The following TPRG1 variants were observed in gnomAD, a reference collection of about 807,000 sequenced individuals.
TPRG1 encodes tumor protein p63-regulated gene 1 protein.
Under a neutral mutation model 29.3 loss-of-function variants are expected in TPRG1, and 29 were observed. The ratio of observed to expected loss-of-function variants is 0.99; its 90% CI spans 0.74 to 1.35. The LOEUF (loss-of-function observed/expected upper bound fraction) is 1.35. Ranked by LOEUF, TPRG1 falls within the 40% of genes most tolerant of loss-of-function variation. The pLI, the probability that TPRG1 is intolerant of heterozygous loss-of-function variation, is 0.00. For synonymous variants in TPRG1, 130 were observed against 116.8 expected (o/e 1.11, Z -0.73); for missense variants, 327 against 335.0 (o/e 0.98, Z 0.19).
chr3:189,029,867 G>A (rs868777562), intron 4 of TPRG1, among the ~76,000 whole-genome samples: 5 of 152,120 alleles, frequency 3.3e-5, no homozygotes, highest in East Asian at 1.9e-4. Context: ...CATGTGATAC[G>A]CTGGCTCCCT....
At position 189,109,611 on chromosome 3, in the gene TPRG1, G is replaced by A. The variant is rs541115453; in HGVS notation, c.-744+9407G>A. ...TTACAATGAATTATAGAAAATGAAC[G>A]TATAATACATTTAAGTGTGTTTACT... On this transcript the variant is annotated intron_variant, in intron 1 of 6. Coordinates refer to the TPRG1 transcript ENST00000412373. 6.6e-5 allele frequency among the ~76,000 whole-genome samples: 10 copies of A among 152,058 alleles called. No individual in the cohort carries two copies. The East Asian group carries it at 7.7e-4, about 12-fold the overall frequency.
chr3:189,054,577 G>A (rs890923474), intron 4 of TPRG1, among the ~76,000 whole-genome samples: 8 of 151,892 alleles, frequency 5.3e-5, no homozygotes, highest in Admixed American at 3.3e-4. Context: ...GACCAGCCTG[G>A]ACAACATAGT....
intron 5 of TPRG1, among the ~76,000 whole-genome samples, chr3:189,312,894 G>C (rs1170967378): frequency 6.6e-6 from 1 of 152,170 alleles, no homozygotes; most frequent in Non-Finnish European, 1.5e-5. Flanking sequence ...CTGGATGGAA[G>C]TAAGAATAAC....
intron 1 of TPRG1, among the ~76,000 whole-genome samples, chr3:189,124,699 T>G (rs1722249481): frequency 6.6e-6 from 1 of 152,186 alleles, no homozygotes; most frequent in Non-Finnish European, 1.5e-5. Flanking sequence ...TTATCTTACA[T>G]GAACATTTGT....
intron 4 of TPRG1, among the ~76,000 whole-genome samples, chr3:189,269,004 G>C (rs1714615923): frequency 6.6e-6 from 1 of 151,866 alleles, no homozygotes; most frequent in Admixed American, 6.6e-5. Flanking sequence ...TTTTCCTCCA[G>C]AAAATGGGAT....
chr3:189,019,397 A>G (rs776483927), intron 3 of TPRG1, among the ~76,000 whole-genome samples: 36 of 152,294 alleles, frequency 2.4e-4, no homozygotes, highest in Middle Eastern at 3.4e-3. Flanking sequence ...TTATTTTGAA[A>G]TACGTCCCAT....
intron 3 of TPRG1, among the ~76,000 whole-genome samples, chr3:189,226,950 G>C (rs1018262553): frequency 6.6e-6 from 1 of 151,882 alleles, no homozygotes; most frequent in African/African-American, 2.4e-5. Flanking sequence ...ATATCAATTT[G>C]ACAACTCAGA....
At position 189,152,636 on chromosome 3, in the gene TPRG1, T is replaced by TGCTA. The variant is rs1286586389; in HGVS notation, c.-10+1764_-10+1765insGCTA. On this transcript the variant is annotated intron_variant, in intron 5 of 6. Coordinates refer to the TPRG1 transcript ENST00000412373. ...CGCCATTACTATTAAAAAGTAGGAT[T>TGCTA]CCTACCCGCCATTATTATTAAAAAG... 7.8e-4 allele frequency among the ~76,000 whole-genome samples: 115 copies of TGCTA among 147,014 alleles called. 4 individuals are homozygous for TGCTA. In the South Asian group the frequency reaches 0.023, roughly 30 times the overall value.
chr3:189,024,931 C>T (rs866853644), intron 4 of TPRG1, among the ~76,000 whole-genome samples: 1 of 152,214 alleles, frequency 6.6e-6, no homozygotes, highest in Non-Finnish European at 1.5e-5. Context: ...CCATCTCAGA[C>T]AGGCATTACG....
chr3:189,214,545 C>T (rs1476466938), intron 2 of TPRG1, among the ~76,000 whole-genome samples: 2 of 152,166 alleles, frequency 1.3e-5, no homozygotes, highest in African/African-American at 2.4e-5. Context: ...TGTCGAAGTA[C>T]ATTTGAGCAG....
chr3:189,043,724 G>C (rs921301107), intron 4 of TPRG1, among the ~76,000 whole-genome samples: 8 of 152,184 alleles, frequency 5.3e-5, no homozygotes, highest in African/African-American at 1.9e-4. Flanking sequence ...ATTGAAGGAG[G>C]GCACGGTGAC....
intron 3 of TPRG1, among the ~76,000 whole-genome samples, chr3:189,005,658 G>A (rs867566565): frequency 7.9e-5 from 12 of 152,024 alleles, no homozygotes; most frequent in Admixed American, 3.3e-4. Context: ...TTCTGGGCAC[G>A]TACATGTGGC....
intron 1 of TPRG1, among the ~76,000 whole-genome samples, chr3:189,102,628 T>C (rs1719338332): frequency 6.6e-6 from 1 of 152,250 alleles, no homozygotes; most frequent in African/African-American, 2.4e-5. Flanking sequence ...TCCCTGTTCC[T>C]ACTTTTTATA....
chr3:189,162,834 A>G (rs114086641), intron 5 of TPRG1, among the ~76,000 whole-genome samples: 42 of 152,366 alleles, frequency 2.8e-4, no homozygotes, highest in Non-Finnish European at 5.7e-4. Flanking sequence ...TCAATAACAT[A>G]TAATACCTTC....
At chr3:189,218,329 G>A (rs1163798873) in intron 3 of TPRG1, among the ~76,000 whole-genome samples, 1 of 152,040 alleles carries the variant, frequency 6.6e-6, no homozygotes, top group African/African-American at 2.4e-5. Flanking sequence ...TGTTGGCCAG[G>A]GTGGCCTCTA....
intron 4 of TPRG1, among the ~76,000 whole-genome samples, chr3:189,094,436 C>T (rs960239075): frequency 6.6e-6 from 1 of 152,104 alleles, no homozygotes; most frequent in Non-Finnish European, 1.5e-5. Flanking sequence ...AGCTTTGTTT[C>T]TGAAGAAAAA....
chr3:189,152,290 C>T (rs977877768), intron 5 of TPRG1, among the ~76,000 whole-genome samples: 6 of 152,152 alleles, frequency 3.9e-5, no homozygotes, highest in East Asian at 1.9e-4. Context: ...GTCACACCAT[C>T]GTTGCTGATT....
chr3:189,204,761 A>G (rs990853640), intron 1 of TPRG1, among the ~76,000 whole-genome samples: 5 of 152,130 alleles, frequency 3.3e-5, no homozygotes, highest in African/African-American at 4.8e-5. Context: ...TCCTTCCCCA[A>G]TGGCACAAAC....
At chr3:189,005,410 A>G (rs1448015664) in intron 3 of TPRG1, among the ~76,000 whole-genome samples, 4 of 152,094 alleles carry the variant, frequency 2.6e-5, no homozygotes, top group Non-Finnish European at 5.9e-5. Context: ...CTGAGTCTGA[A>G]CTTTTGGCCC....
Sources: gnomAD v4.1 joint callset for allele counts (sites outside exome capture counted in the v4.1 genomes callset) on GRCh38, gnomAD v4.1.1 for gene constraint, MANE v1.5 for transcripts, NCBI Gene and HGNC (gene_info 2026-07-23, HGNC 2026-07-21) for gene names.